Variants in FCHSD2 observed in about 807,000 individuals in gnomAD.
The protein encoded by FCHSD2 is F-BAR and double SH3 domains protein 2.
Under a neutral mutation model 108.1 loss-of-function variants are expected in FCHSD2, and 38 were observed. That is an observed-to-expected ratio of 0.35 (90% CI 0.27 to 0.46). FCHSD2 has a LOEUF of 0.46. Ranked by LOEUF, FCHSD2 falls within the 20% of genes least tolerant of loss-of-function variation. FCHSD2 has a pLI of 1.00. For synonymous variants in FCHSD2, 279 were observed against 314.7 expected (o/e 0.89, Z 1.20); for missense variants, 751 against 897.8 (o/e 0.84, Z 2.09).
At chr11:72,907,787 G>T (rs1465139392) in intron 9 of FCHSD2, among the ~76,000 whole-genome samples, 1 of 151,736 alleles carries the variant, frequency 6.6e-6, no homozygotes, top group East Asian at 1.9e-4. Flanking sequence ...TAGAGACAGG[G>T]TTTCACCATG....
chr11:73,141,987 G>T lies in FCHSD2; in HGVS notation c.-110C>A. On this transcript the variant is annotated 5_prime_UTR_variant, in exon 1 of 20. Coordinates refer to ENST00000409418, the MANE Select transcript of FCHSD2 (RefSeq NM_014824.3). Reference sequence around the variant, plus strand: ...CCAGCGAGCGCGCGCGTGTGTGAAAGGAGCGCTTAAGAAGCAAGACTTGCC... The same window carrying T: ...CCAGCGAGCGCGCGCGTGTGTGAAATGAGCGCTTAAGAAGCAAGACTTGCC... 8.8e-7 allele frequency: 1 copy of T among 1,134,550 alleles called. No homozygotes were observed. The highest frequency in any genetic ancestry group is 1.2e-6 in the Non-Finnish European group (1 of 801,218). The allele number at this position is 1,134,550 out of a possible 1,614,324, so 70.3% of individuals were successfully genotyped here.
At chr11:72,842,570 A>T in intron 17 of FCHSD2, 51 bp downstream of exon 17, 1 of 1,608,648 alleles carries the variant, frequency 6.2e-7, no homozygotes. Context: ...ACCCTTTGGG[A>T]GCAATTTTCT....
chr11:72,923,233 AAAAT>A (rs774643238), intron 8 of FCHSD2, among the ~76,000 whole-genome samples: 2 of 152,210 alleles, frequency 1.3e-5, no homozygotes, highest in Admixed American at 6.5e-5. Context: ...GCAAAGTTAA[AAAAT>A]AAATAAATAA....
chr11:73,003,488 A>ATT (rs574233006), intron 4 of FCHSD2, among the ~76,000 whole-genome samples: 11 of 139,350 alleles, frequency 7.9e-5, no homozygotes, highest in South Asian at 2.3e-4. Context: ...TCATAGAGTG[A>ATT]TTTTTTTTTT....
intron 2 of FCHSD2, among the ~76,000 whole-genome samples, chr11:73,088,190 C>T (rs1277392932): frequency 5.9e-5 from 9 of 152,112 alleles, no homozygotes; most frequent in Non-Finnish European, 1.3e-4. Flanking sequence ...ATCTTTCATA[C>T]CATATTTTTG....
At position 73,061,839 on chromosome 11, in the gene FCHSD2, C is replaced by G. The variant is rs376069834; in HGVS notation, c.165+21856G>C. 1.7e-3 allele frequency among the ~76,000 whole-genome samples: 259 copies of G among 152,290 alleles called. 4 individuals are homozygous for G. In the South Asian group the frequency reaches 0.052, roughly 31 times the overall value. On this transcript the variant is annotated intron_variant, in intron 3 of 19. Transcript: ENST00000409418. ...GGCTTACAGATAAAACCCCCATCTCCCTGGGACAGAGCACTTGGGGAAAGG... is the reference window on the plus strand; with the variant it reads ...GGCTTACAGATAAAACCCCCATCTCGCTGGGACAGAGCACTTGGGGAAAGG...
chr11:72,974,457 C>T (rs1857068936), intron 8 of FCHSD2, among the ~76,000 whole-genome samples: 1 of 152,208 alleles, frequency 6.6e-6, no homozygotes, highest in African/African-American at 2.4e-5. Context: ...GTTTCCAACA[C>T]ATGAACTTTA....
At chr11:72,864,390 C>A (rs956726328) in intron 13 of FCHSD2, among the ~76,000 whole-genome samples, 3 of 151,950 alleles carry the variant, frequency 2.0e-5, no homozygotes, top group Non-Finnish European at 4.4e-5. Flanking sequence ...GTGAAAAATA[C>A]AAAAATTAGC....
chr11:72,888,711 C>T (rs11602688), intron 11 of FCHSD2, among the ~76,000 whole-genome samples: 61,602 of 151,272 alleles, frequency 0.41, 12,970 homozygotes, highest in South Asian at 0.52. Context: ...CTCCACCTCC[C>T]GGGCTCAAGC....
At chr11:72,919,465 T>C (rs1360444105) in intron 9 of FCHSD2, among the ~76,000 whole-genome samples, 2 of 152,114 alleles carry the variant, frequency 1.3e-5, no homozygotes, top group Non-Finnish European at 2.9e-5. Flanking sequence ...AAAGAGAATA[T>C]AGTAGAAGAT....
chr11:73,134,632 G>C (rs1276049610), intron 2 of FCHSD2, among the ~76,000 whole-genome samples: 2 of 152,216 alleles, frequency 1.3e-5, no homozygotes, highest in Admixed American at 1.3e-4. Flanking sequence ...GGTGCTTCTT[G>C]AGCCAGTTTC....
At chr11:72,943,770 T>C (rs1032356117) in intron 8 of FCHSD2, among the ~76,000 whole-genome samples, 6 of 152,216 alleles carry the variant, frequency 3.9e-5, no homozygotes, top group Non-Finnish European at 7.3e-5. Context: ...TACATAAACA[T>C]TGTATTTTGA....
At chr11:73,074,956 G>T (rs1859516624) in intron 3 of FCHSD2, among the ~76,000 whole-genome samples, 1 of 152,104 alleles carries the variant, frequency 6.6e-6, no homozygotes, top group Non-Finnish European at 1.5e-5. Context: ...GGCAGGGAAA[G>T]AAAGACCATA....
intron 13 of FCHSD2, among the ~76,000 whole-genome samples, chr11:72,850,408 C>A (rs573771308): frequency 6.6e-6 from 1 of 150,998 alleles, no homozygotes; most frequent in South Asian, 2.1e-4. Context: ...GACGGAGTCT[C>A]GCTCTGTTGC....
chr11:73,096,902 T>C (rs906460141), intron 2 of FCHSD2, among the ~76,000 whole-genome samples: 3 of 151,384 alleles, frequency 2.0e-5, no homozygotes, highest in South Asian at 4.2e-4. Context: ...AGTGTTAAAT[T>C]ATGTGAAATG....
intron 2 of FCHSD2, among the ~76,000 whole-genome samples, chr11:73,115,381 C>T (rs1289207095): frequency 6.6e-6 from 1 of 152,192 alleles, no homozygotes; most frequent in Non-Finnish European, 1.5e-5. Flanking sequence ...GATGGGGTTT[C>T]ACTGTGTTAG....
intron 2 of FCHSD2, among the ~76,000 whole-genome samples, chr11:73,125,419 T>C (rs192192296): frequency 6.6e-6 from 1 of 152,150 alleles, no homozygotes; most frequent in Non-Finnish European, 1.5e-5. Context: ...GAATGCATGG[T>C]GTAGATCGAG....
chr11:73,101,092 C>T (rs777359086), intron 2 of FCHSD2, among the ~76,000 whole-genome samples: 2 of 152,162 alleles, frequency 1.3e-5, no homozygotes, highest in Non-Finnish European at 2.9e-5. Flanking sequence ...CAATATGATG[C>T]TCATTATCAT....
At chr11:73,124,503 C>G (rs1860808299) in intron 2 of FCHSD2, among the ~76,000 whole-genome samples, 1 of 152,104 alleles carries the variant, frequency 6.6e-6, no homozygotes, top group Non-Finnish European at 1.5e-5. Context: ...CACCTGTAAT[C>G]CCAGCACTTT....
Sources: allele counts gnomAD v4.1 joint callset (sites outside exome capture counted in the v4.1 genomes callset), GRCh38; gene constraint gnomAD v4.1.1; transcripts MANE v1.5; gene names NCBI Gene and HGNC (gene_info 2026-07-23, HGNC 2026-07-21).